TLE2: variants seen among roughly 807,000 people sequenced by gnomAD.
TLE2 encodes transducin-like enhancer protein 2.
A neutral mutation model predicts 97.2 loss-of-function variants in TLE2; 74 were observed. That is an observed-to-expected ratio of 0.76 (90% CI 0.63 to 0.92). The LOEUF (loss-of-function observed/expected upper bound fraction) is 0.92, where lower values mean the gene tolerates loss of function less well. Ranked by LOEUF, TLE2 falls within the 40% of genes least tolerant of loss-of-function variation. The pLI, the probability that TLE2 is intolerant of heterozygous loss-of-function variation, is 0.00. For synonymous variants in TLE2, 499 were observed against 432.1 expected, an observed-to-expected ratio of 1.15 and a Z score of -1.92; for missense variants, 1,038 against 1,008.7, an observed-to-expected ratio of 1.03 and a Z score of -0.39.
Position 3,029,135 on chromosome 19 carries a change from G to T in TLE2, c.-231C>A. On this transcript the variant is annotated 5_prime_UTR_variant, in exon 1 of 20. Coordinates refer to ENST00000262953, the MANE Select transcript of TLE2 (RefSeq NM_003260.5). ...GGGGTGCGCGGGGCGAGCGGGGCGG[G>T]CAGGGGCAGCGGCCGGGGCGGGAGC... The T allele has an allele frequency of 1.9e-6, 2 of 1,055,008 alleles. No homozygotes were observed. Among genetic ancestry groups the T allele is most frequent in the Non-Finnish European group, 2.3e-6 (2 of 871,744 alleles). The allele number at this position is 1,055,008 out of a possible 1,614,324, so 65.4% of individuals were successfully genotyped here. A position where few individuals can be genotyped will look rare whatever the true frequency, so the allele number is the denominator to read the frequency against.
intron 1 of TLE2, among the ~76,000 whole-genome samples, chr19:3,044,839 G>C (rs1304584293): frequency 1.3e-5 from 2 of 152,240 alleles, no homozygotes; most frequent in African/African-American, 4.8e-5. Flanking sequence ...CTTCGCCAAA[G>C]TCATATTAGA....
At chr19:3,029,554 G>GGT, upstream of TLE2, 3 of 814,794 alleles carry the variant, frequency 3.7e-6, no homozygotes, top group Non-Finnish European at 4.3e-6. Flanking sequence ...ACCCACCGTG[G>GGT]GAGCGGGGGG....
At chr19:3,021,247 A>G (rs1456197139) in intron 5 of TLE2, among the ~76,000 whole-genome samples, 1 of 151,422 alleles carries the variant, frequency 6.6e-6, no homozygotes, top group Non-Finnish European at 1.5e-5. Context: ...TCTACTAAAA[A>G]TACAAAAATT....
At chr19:3,027,733 G>C in intron 4 of TLE2, 96 bp downstream of exon 4, 1 of 1,243,208 alleles carries the variant, frequency 8.0e-7, no homozygotes, top group Non-Finnish European at 1.1e-6. Flanking sequence ...GTGTTCCCTA[G>C]GTCTGCTCTG....
chr19:3,034,456 A>T (rs1005794812), intron 1 of TLE2, among the ~76,000 whole-genome samples: 4 of 151,114 alleles, frequency 2.6e-5, no homozygotes, highest in Non-Finnish European at 5.9e-5. Flanking sequence ...AGATCACACC[A>T]CACCCCCAAC....
chr19:3,035,740 AG>A (rs2145225739), intron 1 of TLE2, among the ~76,000 whole-genome samples: 1 of 152,328 alleles, frequency 6.6e-6, no homozygotes, highest in East Asian at 1.9e-4. Context: ...TTAGGAGACC[AG>A]CAACCAATGG....
chr19:3,033,766 T>C (rs2090043199), upstream of TLE2, among the ~76,000 whole-genome samples: 1 of 151,834 alleles, frequency 6.6e-6, no homozygotes, highest in African/African-American at 2.4e-5. Flanking sequence ...AAACTTGTAA[T>C]CCCAGCACTT....
chr19:3,012,217 C>T (rs1443594557), intron 11 of TLE2, among the ~76,000 whole-genome samples: 1 of 152,154 alleles, frequency 6.6e-6, no homozygotes, highest in Non-Finnish European at 1.5e-5. Context: ...TGCGCCACCA[C>T]ACTCCTCCCT....
rs1024429542 is a variant in TLE2 at position 2,997,840 on chromosome 19, G to A, written c.*8C>T. 1.6e-5 allele frequency: 25 copies of A among 1,591,956 alleles called. No homozygotes were observed. Among genetic ancestry groups the A allele is most frequent in the Non-Finnish European group, 1.9e-5 (22 of 1,165,460 alleles). ...CTGGACTTCGGGTACAGGAAGGGGG[G>A]TCATGTCTCAGTAGACCACCTCATA... On this transcript the variant is annotated 3_prime_UTR_variant, in exon 20 of 20. Coordinates refer to ENST00000262953, the MANE Select transcript of TLE2 (RefSeq NM_003260.5).
At position 3,005,597 on chromosome 19, in the gene TLE2, G is replaced by T. The variant is rs752364795; in HGVS notation, c.1749-13C>A. 1 of 1,612,582 alleles carries T rather than the reference G, an allele frequency of 6.2e-7. No homozygotes were observed. Among genetic ancestry groups the T allele is most frequent in the East Asian group, 2.2e-5 (1 of 44,832 alleles). On this transcript the variant is annotated splice_polypyrimidine_tract_variant and intron_variant, in intron 16 of 19. Transcript: ENST00000262953. The stretch of plus-strand genomic sequence containing the variant: ...GCCCTGGAACTGCCTGGAGGGAGAA[G>T]GGCCCAGGCGTCCATCCTGGAATTC...
rs751643972 is a variant in TLE2 at position 3,028,805 on chromosome 19, TG to T, written c.25-3del. The stretch of plus-strand genomic sequence containing the variant: ...GGGCTGGCCGGACTGGAGCGGGGTC[TG>T]GGGGGGGTGTGGGGGAAACGTCAGG... On this transcript the variant is annotated splice_region_variant and splice_polypyrimidine_tract_variant and intron_variant, in intron 1 of 19. Coordinates refer to ENST00000262953, the MANE Select transcript of TLE2 (RefSeq NM_003260.5). 8.2e-5 allele frequency: 109 copies of T among 1,324,530 alleles called. No individual in the cohort carries two copies. The highest frequency in any genetic ancestry group is 5.2e-4 in the African/African-American group (36 of 69,148). 82.0% of individuals were successfully genotyped at this position (1,324,530 alleles called of 1,614,324 possible). A position where few individuals can be genotyped will look rare whatever the true frequency, so the allele number is the denominator to read the frequency against.
At chr19:3,039,939 G>A (rs1439076889) in intron 1 of TLE2, among the ~76,000 whole-genome samples, 1 of 152,128 alleles carries the variant, frequency 6.6e-6, no homozygotes, top group East Asian at 1.9e-4. Flanking sequence ...TTATAGAAAC[G>A]TCTCATTGAG....
At chr19:3,006,319 C>A in intron 15 of TLE2, 101 bp downstream of exon 15, 5 of 1,501,396 alleles carry the variant, frequency 3.3e-6, no homozygotes, top group Non-Finnish European at 4.5e-6. Context: ...CGCCCTTCAC[C>A]TGTAGCCCCA....
chr19:3,019,847 A>G lies in TLE2; in HGVS notation c.295-74T>C. The stretch of plus-strand genomic sequence containing the variant: ...TGCTAGCGGTGCCCTTGGGGACCTG[A>G]CCTCTCCCCGCCACCCTCTCATCTT... On this transcript the variant is annotated intron_variant, in intron 5 of 19. Coordinates refer to ENST00000262953, the MANE Select transcript of TLE2 (RefSeq NM_003260.5). The surrounding 1 kb of genome is among the most constrained non-coding windows in gnomAD (Gnocchi z 5.1). 6.6e-7 allele frequency: 1 copy of G among 1,524,280 alleles called. No individual in the cohort carries two copies. The highest frequency in any genetic ancestry group is 8.9e-7 in the Non-Finnish European group (1 of 1,128,794). 94.4% of individuals were successfully genotyped at this position (1,524,280 alleles called of 1,614,324 possible). A position where few individuals can be genotyped will look rare whatever the true frequency, so the allele number is the denominator to read the frequency against.
chr19:3,004,396 G>A (rs2089429786), intron 17 of TLE2, among the ~76,000 whole-genome samples: 2 of 151,888 alleles, frequency 1.3e-5, no homozygotes, highest in South Asian at 4.1e-4. Context: ...TTCCCACACT[G>A]GGAAGCCGAG....
At position 3,043,007 on chromosome 19, in the gene TLE2, C is replaced by A. The variant is rs1486902852; in HGVS notation, c.63+2719G>T. Among the ~76,000 whole-genome samples, 3 of 152,246 alleles carry A rather than the reference C, an allele frequency of 2.0e-5. No homozygotes were observed. In the East Asian group the frequency reaches 5.8e-4, roughly 29 times the overall value. ...TAATTTATTTTTTATTTTTTAGAGA[C>A]AGGGGTCTCACTGTGTGGCCCAGGC... is the stretch of plus-strand genomic sequence containing the variant. On this transcript the variant is annotated intron_variant, in intron 1 of 18. Coordinates refer to the TLE2 transcript ENST00000426948.
In TLE2 at chr19:3,009,834, A is replaced by G; in HGVS notation, c.1013-132T>C. The G allele has an allele frequency of 4.9e-6, 5 of 1,011,932 alleles. No homozygotes were observed. In the South Asian group the frequency reaches 8.8e-5, roughly 18 times the overall value. The allele number at this position is 1,011,932 out of a possible 1,614,324, so 62.7% of individuals were successfully genotyped here. ...TTCCACATTGGCCATAGCCTGGGACACCTCCAGACCTCTGCACTATCGTTC... is the reference window on the plus strand; with the variant it reads ...TTCCACATTGGCCATAGCCTGGGACGCCTCCAGACCTCTGCACTATCGTTC... On this transcript the variant is annotated intron_variant, in intron 12 of 19. Coordinates refer to ENST00000262953, the MANE Select transcript of TLE2 (RefSeq NM_003260.5).
chr19:3,002,263 A>G, intron 18 of TLE2, 90 bp downstream of exon 18: 1 of 1,403,566 alleles, frequency 7.1e-7, no homozygotes, highest in Non-Finnish European at 9.5e-7. Context: ...AAATAACATT[A>G]TTTGTTATTT....
chr19:3,019,518 T>A lies in TLE2; in HGVS notation c.370-55A>T. ...GCGGGGGGCGGCAGGAGCCCAGCGGTCCCCAGCCCAAGAGGTAGACACAGG... is the reference window on the plus strand; with the variant it reads ...GCGGGGGGCGGCAGGAGCCCAGCGGACCCCAGCCCAAGAGGTAGACACAGG... On this transcript the variant is annotated intron_variant, in intron 6 of 19. Transcript: ENST00000262953. This position sits in a 1 kb window ranked among gnomAD's most constrained non-coding sequence, Gnocchi z 5.1. 1 of 1,481,130 alleles carries A rather than the reference T, an allele frequency of 6.8e-7. No individual in the cohort carries two copies. The highest frequency in any genetic ancestry group is 2.5e-5 in the East Asian group (1 of 40,442). 91.7% of individuals were successfully genotyped at this position (1,481,130 alleles called of 1,614,324 possible).
Sources: allele counts gnomAD v4.1 joint callset (sites outside exome capture counted in the v4.1 genomes callset), GRCh38; gene constraint gnomAD v4.1.1; non-coding constraint Gnocchi (gnomAD v3.1); transcripts MANE v1.5; gene names NCBI Gene and HGNC (gene_info 2026-07-23, HGNC 2026-07-21).